The following ATP2C2 variants were observed in gnomAD, a reference collection of about 807,000 sequenced individuals.
The protein encoded by ATP2C2 is calcium-transporting ATPase type 2C member 2.
ATP2C2 carries 171 observed loss-of-function variants against 110.8 expected under a neutral mutation model. That is an observed-to-expected ratio of 1.54 (90% CI 1.36 to 1.75). The LOEUF (loss-of-function observed/expected upper bound fraction) is 1.75, where lower values mean the gene tolerates loss of function less well. ATP2C2 is among the 40% of genes most tolerant of loss of function. ATP2C2 has a pLI of 0.00. For synonymous variants in ATP2C2, 804 were observed against 508.4 expected (o/e 1.58, Z -7.82); for missense variants, 1,963 against 1,235.0 (o/e 1.59, Z -8.84).
At chr16:84,410,015 T>C (rs1000957779) in intron 4 of ATP2C2, among the ~76,000 whole-genome samples, 1 of 152,060 alleles carries the variant, frequency 6.6e-6, no homozygotes, top group African/African-American at 2.4e-5. Flanking sequence ...GAGACCATCC[T>C]GGCCCACATG....
chr16:84,383,941 C>A (rs375337443), intron 1 of ATP2C2, among the ~76,000 whole-genome samples: 16 of 152,096 alleles, frequency 1.1e-4, no homozygotes, highest in African/African-American at 3.6e-4. Flanking sequence ...AGGCATGTGC[C>A]ACCACGCCCA....
intron 3 of ATP2C2, chr16:84,406,668 C>G (rs964002329): frequency 2.0e-6 from 2 of 984,154 alleles, no homozygotes; most frequent in African/African-American, 3.5e-5. Flanking sequence ...GTGGTTCTGG[C>G]TAGCCCAGAA....
At position 84,461,848 on chromosome 16, in the gene ATP2C2, G is replaced by A. The variant is rs375413793; in HGVS notation, c.2580+36G>A. The A allele has an allele frequency of 6.8e-6, 11 of 1,609,372 alleles. No individual in the cohort carries two copies. The African/African-American group carries it at 1.1e-4, about 16-fold the overall frequency. On this transcript the variant is annotated intron_variant, in intron 25 of 26. Transcript: ENST00000262429. Reference sequence around the variant, plus strand: ...GGCTGACCCTCCTCGCTGCAGAGCTGCTGTGTGTTCTCGACAGCAGCGCCC... The same window carrying A: ...GGCTGACCCTCCTCGCTGCAGAGCTACTGTGTGTTCTCGACAGCAGCGCCC...
chr16:84,411,249 T>A (rs888860205), intron 6 of ATP2C2, among the ~76,000 whole-genome samples: 1 of 152,142 alleles, frequency 6.6e-6, no homozygotes, highest in Non-Finnish European at 1.5e-5. Flanking sequence ...TGCAACAGCC[T>A]CTTTCCTGCC....
chr16:84,396,506 C>T (rs1458302976), intron 1 of ATP2C2, among the ~76,000 whole-genome samples: 1 of 145,162 alleles, frequency 6.9e-6, no homozygotes, highest in Non-Finnish European at 1.5e-5. Context: ...GCCGAGGTCG[C>T]ACCACTGCAC....
At chr16:84,401,471 C>T (rs1312086411) in intron 2 of ATP2C2, among the ~76,000 whole-genome samples, 2 of 152,010 alleles carry the variant, frequency 1.3e-5, no homozygotes, top group South Asian at 2.1e-4. Flanking sequence ...GTAATCTGTC[C>T]ACCTCATCTT....
At chr16:84,419,618 C>G (rs1028529517) in intron 7 of ATP2C2, among the ~76,000 whole-genome samples, 1 of 135,502 alleles carries the variant, frequency 7.4e-6, no homozygotes, top group African/African-American at 2.8e-5. Flanking sequence ...CACTGCAGCC[C>G]TTTTCCAGGT....
chr16:84,440,009 A>G (rs894861576), intron 13 of ATP2C2, among the ~76,000 whole-genome samples: 1 of 152,058 alleles, frequency 6.6e-6, no homozygotes, highest in Non-Finnish European at 1.5e-5. Flanking sequence ...TTATTTTTGT[A>G]TTTTCTAGTA....
Position 84,452,105 on chromosome 16 carries a change from G to T in ATP2C2, c.1831+14G>T. The stretch of plus-strand genomic sequence containing the variant: ...CCTTGGCCATAGGTAACTGGGACAG[G>T]GTCGGGGGTGAGGACGAAAGGACCC... On this transcript the variant is annotated intron_variant, in intron 18 of 26. Transcript: ENST00000262429. 6.2e-7 allele frequency: 1 copy of T among 1,613,686 alleles called. No homozygotes were observed.
At chr16:84,437,672 C>T (rs1342691413) in intron 11 of ATP2C2, among the ~76,000 whole-genome samples, 1 of 152,154 alleles carries the variant, frequency 6.6e-6, no homozygotes, top group African/African-American at 2.4e-5. Flanking sequence ...CATGCCACCA[C>T]ACCTGGCTAA....
chr16:84,396,129 G>C (rs1051756202), intron 1 of ATP2C2, among the ~76,000 whole-genome samples: 4 of 152,150 alleles, frequency 2.6e-5, no homozygotes, highest in African/African-American at 9.7e-5. Flanking sequence ...CATCCATGTT[G>C]TAGCATGTGT....
intron 20 of ATP2C2, among the ~76,000 whole-genome samples, chr16:84,453,854 T>G (rs2150586270): frequency 6.6e-6 from 1 of 151,464 alleles, no homozygotes; most frequent in South Asian, 2.1e-4. Flanking sequence ...GGGGGTGGGG[T>G]TGTAGGTACG....
At chr16:84,378,842 C>T (rs545835874) in intron 1 of ATP2C2, among the ~76,000 whole-genome samples, 2 of 152,190 alleles carry the variant, frequency 1.3e-5, no homozygotes, top group South Asian at 2.1e-4. Context: ...AACGTGGAGC[C>T]GGGCCTGGTG....
intron 1 of ATP2C2, among the ~76,000 whole-genome samples, chr16:84,384,792 G>A (rs1158775721): frequency 6.6e-6 from 1 of 152,194 alleles, no homozygotes; most frequent in Non-Finnish European, 1.5e-5. Context: ...GCTCATGCCT[G>A]TAATCCCAGC....
intron 1 of ATP2C2, among the ~76,000 whole-genome samples, chr16:84,375,778 G>A (rs1910214855): frequency 6.6e-6 from 1 of 152,184 alleles, no homozygotes; most frequent in South Asian, 2.1e-4. Context: ...TTTATCTTGG[G>A]ATGACAAATT....
chr16:84,369,087 CTTAAAT>C (rs1468491317), intron 1 of ATP2C2, among the ~76,000 whole-genome samples: 2 of 152,168 alleles, frequency 1.3e-5, no homozygotes, highest in African/African-American at 2.4e-5. Context: ...ATTTTTAAAA[CTTAAAT>C]TGGAAAATAA....
chr16:84,412,867 A>G (rs1034109881), intron 6 of ATP2C2, among the ~76,000 whole-genome samples: 1 of 151,944 alleles, frequency 6.6e-6, no homozygotes, highest in Non-Finnish European at 1.5e-5. Context: ...AGGCCGAGGT[A>G]GGCAGCTCAC....
At chr16:84,433,131 G>A (rs1908425365) in intron 11 of ATP2C2, among the ~76,000 whole-genome samples, 1 of 152,156 alleles carries the variant, frequency 6.6e-6, no homozygotes, top group Admixed American at 6.5e-5. Context: ...TGTAATCCTA[G>A]CACTTTGGGA....
intron 11 of ATP2C2, 35 bp from the exon 12 acceptor site, chr16:84,439,131 G>C (rs1277142302): frequency 2.5e-6 from 4 of 1,611,274 alleles, no homozygotes; most frequent in Non-Finnish European, 2.5e-6. Flanking sequence ...CTCCTTAAAT[G>C]TGTTAGAGGG....
Sources: allele counts gnomAD v4.1 joint callset (sites outside exome capture counted in the v4.1 genomes callset), GRCh38; gene constraint gnomAD v4.1.1; transcripts MANE v1.5; gene names NCBI Gene and HGNC (gene_info 2026-07-23, HGNC 2026-07-21).